Variants in LRGUK observed in about 807,000 individuals in gnomAD.
The protein encoded by LRGUK is leucine rich repeats and guanylate kinase domain containing, also known as leucine-rich repeat and guanylate kinase domain-containing protein.
In LRGUK, 65 loss-of-function variants were observed where a neutral mutation model predicts 76.0. That is an observed-to-expected ratio of 0.85 (90% CI 0.70 to 1.05). The LOEUF (loss-of-function observed/expected upper bound fraction) is 1.05, where lower values mean the gene tolerates loss of function less well. LRGUK is among the 50% of genes least tolerant of loss of function. The probability of loss-of-function intolerance (pLI) is 0.00; values close to 1 mark genes in which losing one functional copy is unlikely to be tolerated. For synonymous variants in LRGUK, 268 were observed against 265.6 expected, an observed-to-expected ratio of 1.01 and a Z score of -0.09; for missense variants, 758 against 732.8, an observed-to-expected ratio of 1.03 and a Z score of -0.40.
intron 4 of LRGUK, among the ~76,000 whole-genome samples, 197 bp from the exon 5 acceptor site, chr7:134,148,041 G>A (rs1466836326): frequency 3.9e-5 from 5 of 127,902 alleles, no homozygotes; most frequent in Admixed American, 9.2e-5. Flanking sequence ...CAGCCTGGAC[G>A]ACAGAGCAAG....
chr7:134,249,602 A>G (rs1030652035), intron 18 of LRGUK, among the ~76,000 whole-genome samples: 1 of 152,072 alleles, frequency 6.6e-6, no homozygotes, highest in Non-Finnish European at 1.5e-5. Context: ...GCAACCAACC[A>G]TTCTGATTAG....
At chr7:134,237,897 T>G (rs1279444188) in intron 16 of LRGUK, among the ~76,000 whole-genome samples, 2 of 152,248 alleles carry the variant, frequency 1.3e-5, no homozygotes, top group Non-Finnish European at 2.9e-5. Flanking sequence ...GAACCCTAAT[T>G]CTGAAAGACA....
chr7:134,176,500 C>T lies in LRGUK; in HGVS notation c.1021-477C>T, dbSNP rs1016468498. 2.6e-5 allele frequency among the ~76,000 whole-genome samples: 4 copies of T among 152,126 alleles called. No individual in the cohort carries two copies. The East Asian group carries it at 5.8e-4, about 22-fold the overall frequency. On this transcript the variant is annotated intron_variant, in intron 8 of 15. Coordinates refer to ENST00000645682, the Ensembl canonical transcript of LRGUK. ...GTTCATGCCATTCTGCTGCCTCAGC[C>T]TCCTGAGTAGCTGGGACTACGGGCA...
At chr7:134,166,410 A>C (rs1798984830) in intron 7 of LRGUK, among the ~76,000 whole-genome samples, 1 of 152,100 alleles carries the variant, frequency 6.6e-6, no homozygotes, top group African/African-American at 2.4e-5. Flanking sequence ...ACATATCCCA[A>C]GCTGTTAGCT....
At chr7:134,249,052 C>A in exon 18 of LRGUK, 2 of 1,584,014 alleles carry the variant, frequency 1.3e-6, no homozygotes, top group Non-Finnish European at 1.7e-6. Context: ...TTTAAACCTC[C>A]ATTTGGACCA....
intron 16 of LRGUK, among the ~76,000 whole-genome samples, chr7:134,227,303 G>A (rs1739371100): frequency 6.6e-6 from 1 of 152,092 alleles, no homozygotes; most frequent in African/African-American, 2.4e-5. Flanking sequence ...TCTTTAGGTT[G>A]GTAACTGAAA....
At chr7:134,203,412 G>C (rs1476966596) in intron 15 of LRGUK, among the ~76,000 whole-genome samples, 3 of 152,098 alleles carry the variant, frequency 2.0e-5, no homozygotes, top group Admixed American at 2.0e-4. Flanking sequence ...TGTTTACCAG[G>C]TTGCATCCTG....
intron 19 of LRGUK, 25 bp from the exon 20 acceptor site, chr7:134,263,820 A>G (rs781443905): frequency 2.5e-6 from 4 of 1,589,364 alleles, no homozygotes; most frequent in Non-Finnish European, 3.4e-6. Context: ...GGGATTAACT[A>G]TCTTTTTTTC....
intron 5 of LRGUK, among the ~76,000 whole-genome samples, chr7:134,157,425 G>A (rs1798518507): frequency 6.6e-6 from 1 of 152,196 alleles, no homozygotes; most frequent in Admixed American, 6.5e-5. Flanking sequence ...AGACTTAACT[G>A]ATCGAGGGAA....
chr7:134,176,235 G>C (rs1290784154), intron 8 of LRGUK, among the ~76,000 whole-genome samples: 1 of 152,166 alleles, frequency 6.6e-6, no homozygotes, highest in African/African-American at 2.4e-5. Context: ...AGGGGCGGGA[G>C]GAGGGAGAGT....
chr7:134,264,983 T>G (rs1228478737), downstream of LRGUK, among the ~76,000 whole-genome samples: 1 of 152,186 alleles, frequency 6.6e-6, no homozygotes, highest in East Asian at 1.9e-4. Flanking sequence ...TAACACAATT[T>G]GCTGTTGGCT....
chr7:134,274,258 A>G, the LRGUK span, among the ~76,000 whole-genome samples: 3 of 152,198 alleles, frequency 2.0e-5, no homozygotes, highest in Non-Finnish European at 4.4e-5. Context: ...AGGGTTTATC[A>G]TTATGGTTTT....
chr7:134,134,204 T>C (rs17167453), intron 1 of LRGUK, among the ~76,000 whole-genome samples: 20,610 of 152,140 alleles, frequency 0.14, 1,728 homozygotes, highest in East Asian at 0.33. Flanking sequence ...GTGAACAAGT[T>C]CAACAGGTGC....
chr7:134,170,597 C>T (rs1799199632), intron 7 of LRGUK, among the ~76,000 whole-genome samples: 2 of 152,042 alleles, frequency 1.3e-5, no homozygotes, highest in African/African-American at 4.8e-5. Flanking sequence ...CCCAGTTACC[C>T]TGATTTGATC....
At chr7:134,170,550 A>G (rs1799197641) in intron 7 of LRGUK, among the ~76,000 whole-genome samples, 2 of 152,144 alleles carry the variant, frequency 1.3e-5, no homozygotes, top group East Asian at 1.9e-4. Context: ...CACATTTCTA[A>G]CACAAAGAAA....
At chr7:134,266,106 TC>T (rs550914214), downstream of LRGUK, among the ~76,000 whole-genome samples, 96 of 152,332 alleles carry the variant, frequency 6.3e-4, no homozygotes, top group Middle Eastern at 3.4e-3. Context: ...TATCTGCCGG[TC>T]ATGAGTCAGT....
intron 16 of LRGUK, among the ~76,000 whole-genome samples, chr7:134,232,386 C>T (rs1403275916): frequency 6.6e-6 from 1 of 151,940 alleles, no homozygotes; most frequent in Non-Finnish European, 1.5e-5. Flanking sequence ...TCAAGTGATT[C>T]TCCGGCCTCA....
downstream of LRGUK, among the ~76,000 whole-genome samples, chr7:134,210,535 T>G (rs1440228343): frequency 1.9e-4 from 29 of 152,110 alleles, no homozygotes; most frequent in Admixed American, 1.9e-3. Flanking sequence ...TCAATGGTGA[T>G]CAGCCAGCTC....
At chr7:134,225,025 C>T (rs1801697970) in intron 16 of LRGUK, among the ~76,000 whole-genome samples, 2 of 144,458 alleles carry the variant, frequency 1.4e-5, no homozygotes, top group Admixed American at 1.4e-4. Context: ...GCACTCCAGC[C>T]AAGGCAACAA....
Sources: gnomAD v4.1 joint callset for allele counts (sites outside exome capture counted in the v4.1 genomes callset) on GRCh38, gnomAD v4.1.1 for gene constraint, MANE v1.5 for transcripts, NCBI Gene and HGNC (gene_info 2026-07-23, HGNC 2026-07-21) for gene names.